The following VAX2 variants were observed in gnomAD, a reference collection of about 807,000 sequenced individuals.
VAX2 encodes the protein ventral anterior homeobox 2.
Under a neutral mutation model 12.5 loss-of-function variants are expected in VAX2, and 8 were observed. The observed-to-expected ratio is 0.64, with a 90% CI of 0.37 to 1.15. VAX2 has a LOEUF of 1.15. Ranked by LOEUF, VAX2 falls within the 50% of genes most tolerant of loss-of-function variation. The pLI, the probability that VAX2 is intolerant of heterozygous loss-of-function variation, is 0.01. For synonymous variants in VAX2, 183 were observed against 187.6 expected, an observed-to-expected ratio of 0.98 and a Z score of 0.20; for missense variants, 476 against 412.9, an observed-to-expected ratio of 1.15 and a Z score of -1.32.
chr2:70,913,065 T>G (rs1465907876), intron 1 of VAX2, among the ~76,000 whole-genome samples: 2 of 152,230 alleles, frequency 1.3e-5, no homozygotes, highest in African/African-American at 2.4e-5. Context: ...ACTATTTTAG[T>G]AAGATAGGCT....
Position 70,915,931 on chromosome 2 carries a change from T to G in VAX2, c.248-5167T>G, listed in dbSNP as rs187190677. Among the ~76,000 whole-genome samples, 820 of 152,354 alleles carry G rather than the reference T, an allele frequency of 5.4e-3. 11 individuals carry two copies. The highest frequency in any genetic ancestry group is 0.011 in the Admixed American group (161 of 15,302). ...AATATTCCATTTATTTTCTTAATAT[T>G]TTAGCATAATGCATTTTAAGATTAA... On this transcript the variant is annotated intron_variant, in intron 1 of 2. Coordinates refer to ENST00000234392, the MANE Select transcript of VAX2 (RefSeq NM_012476.3).
chr2:70,917,575 C>G (rs1424775656), intron 1 of VAX2, among the ~76,000 whole-genome samples: 1 of 152,082 alleles, frequency 6.6e-6, no homozygotes, highest in Non-Finnish European at 1.5e-5. Flanking sequence ...TTTCTTATTG[C>G]AGCTTTAATT....
At chr2:70,903,153 G>C (rs577501693) in intron 1 of VAX2, among the ~76,000 whole-genome samples, 1 of 152,344 alleles carries the variant, frequency 6.6e-6, no homozygotes, top group East Asian at 1.9e-4. Context: ...GTGAAGGAAA[G>C]TCTGAACTAA....
intron 1 of VAX2, among the ~76,000 whole-genome samples, chr2:70,905,693 TCAGGGATGGTCCCC>T (rs1401718391): frequency 2.0e-5 from 3 of 152,178 alleles, no homozygotes; most frequent in African/African-American, 7.2e-5. Context: ...ACCTGCATCT[TCAGGGATGGTCCCC>T]CAGGTAGCTT....
At chr2:70,926,223 A>G (rs1289386518) in intron 2 of VAX2, among the ~76,000 whole-genome samples, 6 of 152,226 alleles carry the variant, frequency 3.9e-5, no homozygotes, top group African/African-American at 1.4e-4. Context: ...GAGTAGGAAC[A>G]GTGAACAAGA....
intron 2 of VAX2, among the ~76,000 whole-genome samples, chr2:70,932,089 C>T (rs781802320): frequency 5.3e-5 from 8 of 152,104 alleles, no homozygotes; most frequent in South Asian, 2.1e-4. Flanking sequence ...CAGCCAGGGT[C>T]GAGAGGTGCT....
chr2:70,931,674 C>T (rs11690533), intron 2 of VAX2, among the ~76,000 whole-genome samples: 7,965 of 152,332 alleles, frequency 0.052, 281 homozygotes, highest in African/African-American at 0.093. Context: ...CAGAATTCCC[C>T]GCCAAATGGC....
Position 70,915,427 on chromosome 2 carries a change from G to A in VAX2, c.248-5671G>A, listed in dbSNP as rs375603232. Among the ~76,000 whole-genome samples, 25 of 150,926 alleles carry A rather than the reference G, an allele frequency of 1.7e-4. No homozygotes were observed. In the East Asian group the frequency reaches 4.8e-3, roughly 29 times the overall value. ...TATTTTTTAGTAGAGACGGAGTTTC[G>A]CCACGTTGGCCAGGCTGGTCTCGAA... is the stretch of plus-strand genomic sequence containing the variant. On this transcript the variant is annotated intron_variant, in intron 1 of 2. Coordinates refer to ENST00000234392, the MANE Select transcript of VAX2 (RefSeq NM_012476.3).
At chr2:70,932,526 G>A (rs1553414442) in intron 2 of VAX2, among the ~76,000 whole-genome samples, 1 of 151,832 alleles carries the variant, frequency 6.6e-6, no homozygotes. Context: ...TAGTAGAGGG[G>A]CCTCCATAAT....
rs1678905806 is a variant in VAX2 at position 70,900,833 on chromosome 2, G to A, written c.212G>A (p.Gly71Asp). ...GACAGCGACGGGCAGCCCGGGCCCG[G>A]CGAGGCAGACCACTGCCGCCGCATA... is the stretch of plus-strand genomic sequence containing the variant. ...GADSDGQPGPGEADHCRRILV... is the reference protein window; with the variant it reads ...GADSDGQPGPDEADHCRRILV... The change falls in exon 1 of 3, where the codon GGC becomes GAC. Residue 71 changes from glycine (G) to aspartate (D), a missense_variant. Transcript: ENST00000234392. 3 of 1,467,832 alleles carry A rather than the reference G, an allele frequency of 2.0e-6. No homozygotes were observed. The East Asian group carries it at 8.5e-5, about 42-fold the overall frequency. The allele number at this position is 1,467,832 out of a possible 1,614,324, so 90.9% of individuals were successfully genotyped here.
intron 1 of VAX2, 44 bp from the exon 2 acceptor site, chr2:70,921,054 C>A: frequency 1.3e-6 from 2 of 1,500,510 alleles, no homozygotes; most frequent in African/African-American, 1.4e-5. Context: ...TGATCTAACT[C>A]CCTAGCTAAT....
At chr2:70,920,922 T>C (rs782218814) in intron 1 of VAX2, among the ~76,000 whole-genome samples, 176 bp from the exon 2 acceptor site, 29 of 152,116 alleles carry the variant, frequency 1.9e-4, no homozygotes, top group Admixed American at 7.9e-4. Flanking sequence ...ATACCCTGCA[T>C]TGGGTGGTTA....
intron 1 of VAX2, 137 bp downstream of exon 1, chr2:70,901,005 T>C (rs1255215208): frequency 2.0e-6 from 2 of 985,690 alleles, no homozygotes; most frequent in African/African-American, 3.4e-5. Context: ...CAGCAAATAT[T>C]ATTTTGAGCG....
At chr2:70,906,184 G>C (rs138241216) in intron 1 of VAX2, among the ~76,000 whole-genome samples, 1 of 152,212 alleles carries the variant, frequency 6.6e-6, no homozygotes, top group Non-Finnish European at 1.5e-5. Flanking sequence ...TCCCTGCGGC[G>C]AGACAGGTCT....
intron 1 of VAX2, among the ~76,000 whole-genome samples, chr2:70,901,593 A>G (rs888360515): frequency 6.6e-6 from 1 of 151,964 alleles, no homozygotes; most frequent in East Asian, 1.9e-4. Flanking sequence ...GCGCCTTCCC[A>G]GCACCTTCTT....
chr2:70,910,387 T>C (rs1679155484), intron 1 of VAX2, among the ~76,000 whole-genome samples: 1 of 152,164 alleles, frequency 6.6e-6, no homozygotes, highest in Non-Finnish European at 1.5e-5. Flanking sequence ...AAGCAAACTT[T>C]TAAAATCCAA....
At chr2:70,925,151 C>T (rs782532300) in intron 2 of VAX2, among the ~76,000 whole-genome samples, 43 of 152,090 alleles carry the variant, frequency 2.8e-4, no homozygotes, top group Non-Finnish European at 5.1e-4. Flanking sequence ...GAGGATCATG[C>T]GATGCTTAGA....
intron 1 of VAX2, among the ~76,000 whole-genome samples, chr2:70,903,241 C>A (rs1323061157): frequency 6.6e-6 from 1 of 152,196 alleles, no homozygotes; most frequent in African/African-American, 2.4e-5. Context: ...AACACATCCT[C>A]CCAAAGAGCC....
chr2:70,926,909 T>G (rs1487467099), intron 2 of VAX2, among the ~76,000 whole-genome samples: 2 of 152,068 alleles, frequency 1.3e-5, no homozygotes, highest in African/African-American at 4.8e-5. Flanking sequence ...TAACTTGACT[T>G]AAGTCATCTA....
Sources: gnomAD v4.1 joint callset for allele counts (sites outside exome capture counted in the v4.1 genomes callset) on GRCh38, gnomAD v4.1.1 for gene constraint, MANE v1.5 for transcripts, NCBI Gene and HGNC (gene_info 2026-07-23, HGNC 2026-07-21) for gene names.